Variants in CEP72 observed in about 807,000 individuals in gnomAD.
CEP72 encodes the protein centrosomal protein of 72 kDa.
A neutral mutation model predicts 65.7 loss-of-function variants in CEP72; 78 were observed. The ratio of observed to expected loss-of-function variants is 1.19; its 90% CI spans 0.99 to 1.43. The LOEUF is 1.43. Among genes scored for constraint, CEP72 ranks in the 40% most tolerant of loss-of-function variants. CEP72 has a pLI of 0.00. For synonymous variants in CEP72, 358 were observed against 351.7 expected, an observed-to-expected ratio of 1.02 and a Z score of -0.20; for missense variants, 914 against 832.9, an observed-to-expected ratio of 1.10 and a Z score of -1.20.
At chr5:671,101 G>T (rs1391263437), downstream of CEP72, among the ~76,000 whole-genome samples, 2 of 152,226 alleles carry the variant, frequency 1.3e-5, no homozygotes, top group Non-Finnish European at 2.9e-5. Flanking sequence ...TCGGGGGGCT[G>T]CCTGAGCTCC....
chr5:612,386 G>C lies in CEP72; in HGVS notation c.25G>C (p.Val9Leu), dbSNP rs772588508. Residue 9 changes from valine (V) to leucine (L), a missense_variant, in exon 1 of 12, where the codon GTG (valine) becomes CTG (leucine). Coordinates refer to ENST00000264935, the MANE Select transcript of CEP72 (RefSeq NM_018140.4). ...CATGGCGCGGGCTGGCCCTCGGCTG[G>C]TGCTGAGCGAGGAGGCGGTTCGGGC... Reference protein sequence around the residue: MARAGPRLVLSEEAVRAKS... With the variant: MARAGPRLLLSEEAVRAKS... 1 of 1,491,754 alleles carries C rather than the reference G, an allele frequency of 6.7e-7. No homozygotes were observed. The highest frequency in any genetic ancestry group is 8.9e-7 in the Non-Finnish European group (1 of 1,125,782). The allele number at this position is 1,491,754 out of a possible 1,614,324, so 92.4% of individuals were successfully genotyped here. A position where few individuals can be genotyped will look rare whatever the true frequency, so the allele number is the denominator to read the frequency against.
chr5:644,513 G>A (rs1580005721), intron 10 of CEP72, 88 bp downstream of exon 10: 5 of 1,448,512 alleles, frequency 3.5e-6, no homozygotes, highest in African/African-American at 1.4e-5. Flanking sequence ...TTCACTGAGG[G>A]AAGTGAGCAG....
chr5:637,863 C>T (rs1358413046), intron 7 of CEP72, 45 bp downstream of exon 7: 2 of 1,460,668 alleles, frequency 1.4e-6, no homozygotes, highest in Non-Finnish European at 1.8e-6. Flanking sequence ...CACTGCCTCC[C>T]TAATGTGGGG....
intron 2 of CEP72, chr5:664,985 C>G: frequency 7.7e-7 from 1 of 1,299,296 alleles, no homozygotes; most frequent in Non-Finnish European, 1.1e-6. Flanking sequence ...CCCCCCAGCC[C>G]CCTCTGGGGC....
At chr5:650,512 T>G (rs868599290) in intron 11 of CEP72, among the ~76,000 whole-genome samples, 4 of 58,470 alleles carry the variant, frequency 6.8e-5, no homozygotes, top group South Asian at 1.1e-3. Flanking sequence ...GACTGTGAGG[T>G]GTGACTGTGA....
chr5:663,402 CTCTT>C (rs1044546508), intron 1 of CEP72: 1 of 152,444 alleles, frequency 6.6e-6, no homozygotes, highest in African/African-American at 2.4e-5. Context: ...TTTTTCCTTG[CTCTT>C]TATTTCCAGG....
Position 650,070 on chromosome 5 carries a change from TGTGACTGTGAGGC to T in CEP72, c.1778+2167_1778+2179del, listed in dbSNP as rs1561064112. ...TGGACTGTGAGGTGTGACTGTGAGGTGTGACTGTGAGGCGTGACTGTGAGGTGTGGACTGTGAG... is the reference window on the plus strand; with the variant it reads ...TGGACTGTGAGGTGTGACTGTGAGGTGTGACTGTGAGGTGTGGACTGTGAG... On this transcript the variant is annotated intron_variant, in intron 11 of 11. Transcript: ENST00000264935. 4.0e-3 allele frequency among the ~76,000 whole-genome samples: 17 copies of T among 4,250 alleles called. 2 individuals are homozygous for T. The highest frequency in any genetic ancestry group is 4.1e-3 in the Non-Finnish European group (9 of 2,206). 2.8% of individuals were successfully genotyped at this position (4,250 alleles called of 152,430 possible). A position where few individuals can be genotyped will look rare whatever the true frequency, so the allele number is the denominator to read the frequency against.
rs752964615 is a variant in CEP72 at position 624,248 on chromosome 5, C to T, written c.404-223C>T. 5.9e-5 allele frequency among the ~76,000 whole-genome samples: 9 copies of T among 152,190 alleles called. No homozygotes were observed. Among genetic ancestry groups the T allele is most frequent in the Non-Finnish European group, 1.3e-4 (9 of 68,038 alleles). ...TGAGCCTCATCTGTGTGCGGCTGCT[C>T]CCGTGCGCAGCAGTGAGCTCTGAGG... On this transcript the variant is annotated intron_variant, in intron 3 of 11. Transcript: ENST00000264935. This position sits in a 1 kb window ranked among gnomAD's most constrained non-coding sequence, Gnocchi z 4.7.
At chr5:637,004 TCTC>T (rs1194416476) in intron 6 of CEP72, among the ~76,000 whole-genome samples, 3 of 152,004 alleles carry the variant, frequency 2.0e-5, no homozygotes, top group African/African-American at 4.8e-5. Flanking sequence ...TTTTGTGCCT[TCTC>T]CTGCCTTCAT....
chr5:665,948 C>T (rs1203744628), exon 4 of CEP72: 1 of 1,520,324 alleles, frequency 6.6e-7, no homozygotes, highest in South Asian at 1.2e-5. Context: ...CAGGCCCCGC[C>T]TTCCATCCCC....
At chr5:666,814 G>T (rs1739936145) in intron 4 of CEP72, 3 of 152,198 alleles carry the variant, frequency 2.0e-5, no homozygotes, top group African/African-American at 7.2e-5. Flanking sequence ...ACTGACTCTT[G>T]GTTTTTATAT....
At chr5:673,112 C>T in the CEP72 span, among the ~76,000 whole-genome samples, 2 of 152,144 alleles carry the variant, frequency 1.3e-5, no homozygotes, top group African/African-American at 4.8e-5. Flanking sequence ...GGCAGAGGCT[C>T]CCACAAGTGA....
chr5:635,304 T>C (rs1238811344), intron 5 of CEP72, 68 bp from the exon 6 acceptor site: 8 of 1,257,212 alleles, frequency 6.4e-6, no homozygotes, highest in Non-Finnish European at 9.0e-6. Context: ...AAGCTTAAAA[T>C]GTAATTTTTG....
intron 1 of CEP72, chr5:663,250 C>G (rs559116179): frequency 5.9e-5 from 9 of 152,380 alleles, no homozygotes; most frequent in Non-Finnish European, 8.8e-5. Flanking sequence ...GAGTTGTTTT[C>G]AAATGTTTCC....
chr5:637,919 T>A, intron 7 of CEP72, 101 bp downstream of exon 7: 1 of 1,141,036 alleles, frequency 8.8e-7, no homozygotes, highest in Non-Finnish European at 1.2e-6. Flanking sequence ...CGGCACTGAC[T>A]GTGTCCCTCC....
chr5:669,285 TGAGCC>T (rs1740097271), downstream of CEP72, among the ~76,000 whole-genome samples: 1 of 144,142 alleles, frequency 6.9e-6, no homozygotes, highest in Admixed American at 6.9e-5. Context: ...GTGAGCCCGG[TGAGCC>T]GGAGGTGCCC....
chr5:629,248 GA>G lies in CEP72; in HGVS notation c.513-4517del, dbSNP rs559977476. 1.5e-4 allele frequency among the ~76,000 whole-genome samples: 23 copies of G among 152,380 alleles called. No homozygotes were observed. In the South Asian group the frequency reaches 4.6e-3, roughly 30 times the overall value. ...ACACACCTCTGATTTCAGCCATTATGAAAACATTCTCCCTGAATGTGAAAGT... is the reference window on the plus strand; with the variant it reads ...ACACACCTCTGATTTCAGCCATTATGAAACATTCTCCCTGAATGTGAAAGT... On this transcript the variant is annotated intron_variant, in intron 4 of 11. Transcript: ENST00000264935.
Position 633,838 on chromosome 5 carries a change from C to G in CEP72, c.582C>G (p.Asp194Glu), listed in dbSNP as rs368560954. 3 of 1,614,026 alleles carry G rather than the reference C, an allele frequency of 1.9e-6. No homozygotes were observed. Among genetic ancestry groups the G allele is most frequent in the Non-Finnish European group, 2.5e-6 (3 of 1,180,040 alleles). Residue 194 changes from aspartate to glutamate, a missense_variant, in exon 5 of 12, where the codon GAC (aspartate) becomes GAG (glutamate). By Grantham distance (45) the Asp-to-Glu change is conservative. Coordinates refer to ENST00000264935, the MANE Select transcript of CEP72 (RefSeq NM_018140.4). ...AKQSLVMDAD[D>E]EAVLNLIAEC... The stretch of plus-strand genomic sequence containing the variant: ...AGAGCCTGGTCATGGATGCGGATGA[C>G]GAGGCAGTCCTGAACCTCATTGCAG...
At chr5:673,677 GCCAAGGCTGGCACACC>G in the CEP72 span, among the ~76,000 whole-genome samples, 1 of 152,222 alleles carries the variant, frequency 6.6e-6, no homozygotes, top group Admixed American at 6.5e-5. Context: ...CTCATGGTCA[GCCAAGGCTGGCACACC>G]CCAAGGCTGG....
Sources: gnomAD v4.1 joint callset for allele counts (sites outside exome capture counted in the v4.1 genomes callset) on GRCh38, gnomAD v4.1.1 for gene constraint, Gnocchi (gnomAD v3.1) non-coding constraint, MANE v1.5 for transcripts, NCBI Gene and HGNC (gene_info 2026-07-23, HGNC 2026-07-21) for gene names.